Variants in SEPTIN8 observed in about 807,000 individuals in gnomAD.
SEPTIN8 encodes the protein septin 8, also known as septin-8.
A neutral mutation model predicts 53.1 loss-of-function variants in SEPTIN8; 22 were observed. That is an observed-to-expected ratio of 0.41 (90% CI 0.30 to 0.59). SEPTIN8 has a LOEUF of 0.59. Ranked by LOEUF, SEPTIN8 falls within the 20% of genes least tolerant of loss-of-function variation. The probability of loss-of-function intolerance (pLI) is 0.24; values close to 1 mark genes in which losing one functional copy is unlikely to be tolerated. For synonymous variants in SEPTIN8, 228 were observed against 248.4 expected (o/e 0.92, Z 0.77); for missense variants, 536 against 638.7 (o/e 0.84, Z 1.73).
chr5:132,770,325 C>T (rs762788286), intron 1 of SEPTIN8, among the ~76,000 whole-genome samples: 27 of 151,018 alleles, frequency 1.8e-4, no homozygotes, highest in Non-Finnish European at 2.8e-4. Context: ...ATTACAGGCA[C>T]GCAACCACCA....
At chr5:132,752,753 G>A in intron 9 of SEPTIN8, 1 of 761,860 alleles carries the variant, frequency 1.3e-6, no homozygotes, top group Non-Finnish European at 2.2e-6. Flanking sequence ...GTCCTTAGTT[G>A]GGTGGTTGGA....
upstream of SEPTIN8, among the ~76,000 whole-genome samples, chr5:132,779,879 G>A (rs1374541968): frequency 6.6e-6 from 1 of 152,182 alleles, no homozygotes; most frequent in Non-Finnish European, 1.5e-5. Context: ...GTATGTGTGT[G>A]CAGGTTGTGC....
At chr5:132,767,133 G>T (rs1316841323) in intron 1 of SEPTIN8, among the ~76,000 whole-genome samples, 1 of 152,034 alleles carries the variant, frequency 6.6e-6, no homozygotes, top group Non-Finnish European at 1.5e-5. Context: ...CCATCACCTA[G>T]CCCCAAAGCA....
chr5:132,752,344 T>C, intron 9 of SEPTIN8, 163 bp from the exon 10 acceptor site: 1 of 948,318 alleles, frequency 1.1e-6, no homozygotes, highest in Admixed American at 2.9e-5. Flanking sequence ...AAGGCTAGGC[T>C]TTCCACACTT....
intron 1 of SEPTIN8, among the ~76,000 whole-genome samples, chr5:132,772,112 T>A (rs771636751): frequency 2.6e-5 from 4 of 152,124 alleles, no homozygotes; most frequent in Non-Finnish European, 5.9e-5. Context: ...ACTCCACCCA[T>A]CCTGGGAAGA....
intron 1 of SEPTIN8, among the ~76,000 whole-genome samples, chr5:132,767,989 AGCCG>A (rs1756794449): frequency 6.7e-6 from 1 of 149,944 alleles, no homozygotes; most frequent in East Asian, 2.0e-4. Context: ...ACACACACGC[AGCCG>A]CAGAGCACTT....
chr5:132,751,969 C>T lies in SEPTIN8; in HGVS notation c.*47G>A, dbSNP rs1754879679. On this transcript the variant is annotated 3_prime_UTR_variant, in exon 10 of 10. Coordinates refer to ENST00000378719, the MANE Select transcript of SEPTIN8 (RefSeq NM_001098811.2). ...CATTAAAAACCATGGTCTCCAGTTCCATGCCCTGGTGGTCCTGAGCTGGCC... is the reference window on the plus strand; with the variant it reads ...CATTAAAAACCATGGTCTCCAGTTCTATGCCCTGGTGGTCCTGAGCTGGCC... The T allele has an allele frequency of 6.2e-7, 1 of 1,609,672 alleles. No individual in the cohort carries two copies. Among genetic ancestry groups the T allele is most frequent in the Non-Finnish European group, 8.5e-7 (1 of 1,178,138 alleles).
At position 132,765,539 on chromosome 5, in the gene SEPTIN8, G is replaced by C. The variant is rs773325014; in HGVS notation, c.31-10C>G. The C allele has an allele frequency of 3.2e-6, 5 of 1,580,220 alleles. No individual in the cohort carries two copies. In the East Asian group the frequency reaches 6.8e-5, roughly 21 times the overall value. ...GCTCTGGCTCTGCATTCTGCCAAGA[G>C]AGAAATAAAGCAAGACATGAGCCCA... On this transcript the variant is annotated splice_polypyrimidine_tract_variant and intron_variant, in intron 1 of 9. Coordinates refer to ENST00000378719, the MANE Select transcript of SEPTIN8 (RefSeq NM_001098811.2).
intron 4 of SEPTIN8, 147 bp from the exon 5 acceptor site, chr5:132,762,792 G>C: frequency 4.7e-6 from 4 of 847,692 alleles, no homozygotes; most frequent in Non-Finnish European, 1.8e-6. Context: ...ACTCCCACGG[G>C]CAGCCATAGT....
Position 132,752,138 on chromosome 5 carries a change from T to C in SEPTIN8, c.1330A>G (p.Ser444Gly). ...GAHQPGMSLS[S>G]SKVMMTKASV... ...GCCTTGGTCATCATCACCTTAGAGCTGGAGAGGCTCATGCCCGGCTGGTGT... is the reference window on the plus strand; with the variant it reads ...GCCTTGGTCATCATCACCTTAGAGCCGGAGAGGCTCATGCCCGGCTGGTGT... Residue 444 changes from serine (S) to glycine (G), a missense_variant, in exon 10 of 10, where the codon AGC (serine) becomes GGC (glycine). By Grantham distance (56) the Ser-to-Gly change is moderately conservative (BLOSUM62 0). Transcript: ENST00000378719. The C allele has an allele frequency of 6.3e-7, 1 of 1,598,182 alleles. No homozygotes were observed. The highest frequency in any genetic ancestry group is 8.5e-7 in the Non-Finnish European group (1 of 1,171,712).
chr5:132,770,333 C>T (rs113686092), intron 1 of SEPTIN8, among the ~76,000 whole-genome samples: 1,682 of 151,436 alleles, frequency 0.011, 11 homozygotes, highest in Non-Finnish European at 0.017. Flanking sequence ...CACGCAACCA[C>T]CACGCCTGGC....
At chr5:132,769,320 C>T (rs1037528216) in intron 1 of SEPTIN8, among the ~76,000 whole-genome samples, 1 of 152,228 alleles carries the variant, frequency 6.6e-6, no homozygotes, top group African/African-American at 2.4e-5. Flanking sequence ...CTGTTCTTAG[C>T]AGGCTTCCAA....
chr5:132,772,055 G>A (rs573695937), intron 1 of SEPTIN8, among the ~76,000 whole-genome samples: 2 of 152,286 alleles, frequency 1.3e-5, no homozygotes, highest in South Asian at 2.1e-4. Context: ...CCAACATGAC[G>A]GCAGTCAAGG....
Position 132,762,525 on chromosome 5 carries a change from T to G in SEPTIN8, c.655A>C (p.Thr219Pro). 1 of 1,614,208 alleles carries G rather than the reference T, an allele frequency of 6.2e-7. No individual in the cohort carries two copies. Among genetic ancestry groups the G allele is most frequent in the East Asian group, 2.2e-5 (1 of 44,880 alleles). The change falls in exon 5 of 10, where the codon ACG becomes CCG. Residue 219 changes from threonine to proline, a missense_variant. Thr to Pro is a conservative substitution (Grantham distance 38). This residue lies in a region of SEPTIN8 where 395 missense variants were observed against 451.8 expected (regional missense o/e 0.87). Transcript: ENST00000378719. ...ATCTCTGCAACAGCCTCATCATCCG[T>G]GGGGAACTGGTAGATCTGGACCCCG... is the stretch of plus-strand genomic sequence containing the variant. ...SNGVQIYQFP[T>P]DDEAVAEINA...
At chr5:132,762,024 A>G in intron 5 of SEPTIN8, 128 bp from the exon 6 acceptor site, 2 of 732,440 alleles carry the variant, frequency 2.7e-6, no homozygotes, top group East Asian at 5.5e-5. Context: ...CCAGATGCTT[A>G]CTTCCTGGCT....
Position 132,751,092 on chromosome 5 carries a change from CACGCCCTTGCA to C in SEPTIN8, c.*913_*923del. 1 of 1,382,280 alleles carries C rather than the reference CACGCCCTTGCA, an allele frequency of 7.2e-7. No individual in the cohort carries two copies. The highest frequency in any genetic ancestry group is 9.9e-7 in the Non-Finnish European group (1 of 1,005,614). 85.6% of individuals were successfully genotyped at this position (1,382,280 alleles called of 1,614,324 possible). On this transcript the variant is annotated 3_prime_UTR_variant, in exon 10 of 10. Transcript: ENST00000378719. ...TGGGATGGCAAAGCACAGGCGTGCA[CACGCCCTTGCA>C]CATGCACCACAGTGAGGTGACGCAC...
intron 1 of SEPTIN8, among the ~76,000 whole-genome samples, chr5:132,770,506 T>G (rs929165065): frequency 2.0e-5 from 3 of 152,024 alleles, no homozygotes; most frequent in African/African-American, 7.3e-5. Flanking sequence ...TATGTGAAAT[T>G]CTGTAATTTT....
Position 132,761,390 on chromosome 5 carries a change from AAC to A in SEPTIN8, c.962+66_962+67del, listed in dbSNP as rs1309346137. The stretch of plus-strand genomic sequence containing the variant: ...TAAGAGGATGTGGGGTCCCTCAGGG[AAC>A]AGATGCCAGGGTGGTGTGTCTGGCC... On this transcript the variant is annotated intron_variant, in intron 7 of 9. Coordinates refer to ENST00000378719, the MANE Select transcript of SEPTIN8 (RefSeq NM_001098811.2). This position sits in a 1 kb window ranked among gnomAD's most constrained non-coding sequence, Gnocchi z 5.8. The A allele has an allele frequency of 3.8e-6, 6 of 1,586,334 alleles. No individual in the cohort carries two copies. The highest frequency in any genetic ancestry group is 5.1e-6 in the Non-Finnish European group (6 of 1,168,658).
chr5:132,761,833 G>A lies in SEPTIN8; in HGVS notation c.760C>T (p.Arg254Ter). ...ACTCCCCAGGGGTACTGCCGTGCTC[G>A]GACCAGCTTGTTCCCCACCTTCACC... ...EEVKVGNKLVRARQYPWGVVQ... is the reference protein window; with the variant it reads ...EEVKVGNKLV The change falls in exon 6 of 10, where the codon CGA (arginine) becomes TGA (stop). Residue 254 changes from arginine (R) to a stop codon, truncating the protein, a stop_gained. Transcript: ENST00000378719. LOFTEE classifies it high-confidence loss of function. The surrounding 1 kb of genome is among the most constrained non-coding windows in gnomAD (Gnocchi z 5.8). The A allele has an allele frequency of 4.4e-6, 7 of 1,608,726 alleles. No homozygotes were observed. Among genetic ancestry groups the A allele is most frequent in the South Asian group, 1.1e-5 (1 of 89,918 alleles).
Sources: allele counts gnomAD v4.1 joint callset (sites outside exome capture counted in the v4.1 genomes callset), GRCh38; gene constraint gnomAD v4.1.1; regional missense constraint gnomAD v4.1.1; non-coding constraint Gnocchi (gnomAD v3.1); transcripts MANE v1.5; gene names NCBI Gene and HGNC (gene_info 2026-07-23, HGNC 2026-07-21).